PDE4B: variants seen among roughly 807,000 people sequenced by gnomAD.
PDE4B encodes 3',5'-cyclic-AMP phosphodiesterase 4B.
Under a neutral mutation model 82.2 loss-of-function variants are expected in PDE4B, and 20 were observed. The observed-to-expected ratio is 0.24, with a 90% CI of 0.17 to 0.35. PDE4B has a LOEUF of 0.35. Among genes scored for constraint, PDE4B ranks in the 10% least tolerant of loss-of-function variants. The pLI is 1.00. For synonymous variants in PDE4B, 320 were observed against 318.9 expected (o/e 1.00, Z -0.04); for missense variants, 655 against 907.2 (o/e 0.72, Z 3.57).
chr1:66,369,093 A>G, intron 16 of PDE4B, 124 bp downstream of exon 16: 3 of 680,608 alleles, frequency 4.4e-6, no homozygotes, highest in Non-Finnish European at 4.6e-6. Context: ...ACAACTACGC[A>G]TTTTGTTCCA....
intron 3 of PDE4B, among the ~76,000 whole-genome samples, chr1:66,219,669 A>G (rs1316692176): frequency 2.0e-5 from 3 of 152,210 alleles, no homozygotes; most frequent in African/African-American, 7.2e-5. Flanking sequence ...CACCTGGCCA[A>G]CACAGAGTTC....
intron 8 of PDE4B, among the ~76,000 whole-genome samples, chr1:66,347,823 A>T (rs1661517769): frequency 6.6e-6 from 1 of 152,226 alleles, no homozygotes; most frequent in Non-Finnish European, 1.5e-5. Context: ...AAAAAATATT[A>T]GAAACTTCAA....
chr1:66,254,847 A>G (rs1258649488), intron 4 of PDE4B, among the ~76,000 whole-genome samples: 2 of 152,090 alleles, frequency 1.3e-5, no homozygotes, highest in African/African-American at 4.8e-5. Context: ...ATTGGTTCTC[A>G]TCAGAATGGG....
intron 7 of PDE4B, among the ~76,000 whole-genome samples, chr1:66,287,974 T>TA (rs146052848): frequency 0.035 from 5,354 of 151,884 alleles, 256 homozygotes; most frequent in East Asian, 0.25. Context: ...ACCCTGTCTC[T>TA]AAAAAAACAA....
intron 3 of PDE4B, among the ~76,000 whole-genome samples, chr1:66,186,866 C>A (rs894254054): frequency 8.5e-5 from 13 of 152,158 alleles, no homozygotes; most frequent in Non-Finnish European, 1.9e-4. Context: ...GCTTCCAACA[C>A]TATGTTGAAT....
At chr1:66,251,557 T>C (rs944752802) in intron 4 of PDE4B, among the ~76,000 whole-genome samples, 8 of 152,188 alleles carry the variant, frequency 5.3e-5, no homozygotes, top group Non-Finnish European at 1.2e-4. Context: ...ACGGAAACAT[T>C]AGAAGTCAAT....
In PDE4B at chr1:65,983,568, C is replaced by T. The variant is rs576614454; in HGVS notation, c.281+64733C>T. 1.3e-3 allele frequency among the ~76,000 whole-genome samples: 203 copies of T among 152,090 alleles called. 1 individual carries two copies. The highest frequency in any genetic ancestry group is 6.0e-4 in the African/African-American group (25 of 41,412). ...ACATGACTGGTATCTTTATTAAAAA[C>T]GGTAATTGCAACATTGAGACAGCAT... On this transcript the variant is annotated intron_variant, in intron 3 of 16. Coordinates refer to ENST00000341517, the MANE Select transcript of PDE4B (RefSeq NM_002600.4).
At chr1:66,262,654 C>A (rs921194186) in intron 6 of PDE4B, among the ~76,000 whole-genome samples, 22 of 152,320 alleles carry the variant, frequency 1.4e-4, no homozygotes, top group African/African-American at 5.3e-4. Flanking sequence ...CATTCTCATG[C>A]CCTACAAGCA....
intron 3 of PDE4B, among the ~76,000 whole-genome samples, chr1:65,971,716 A>T (rs1456434354): frequency 6.6e-6 from 1 of 152,186 alleles, no homozygotes; most frequent in African/African-American, 2.4e-5. Flanking sequence ...GGATGGTGTT[A>T]TCAGCAGTAT....
chr1:66,105,006 T>C (rs1645314740), intron 3 of PDE4B, among the ~76,000 whole-genome samples: 1 of 152,084 alleles, frequency 6.6e-6, no homozygotes, highest in South Asian at 2.1e-4. Flanking sequence ...AGACATGAAG[T>C]CCTTGCCCAT....
chr1:66,176,209 G>T (rs1646928850), intron 3 of PDE4B, among the ~76,000 whole-genome samples: 3 of 152,182 alleles, frequency 2.0e-5, no homozygotes. Flanking sequence ...GAAGACAGAT[G>T]GGAAAATTCC....
At chr1:66,246,240 G>A (rs1048381073) in intron 3 of PDE4B, among the ~76,000 whole-genome samples, 2 of 152,190 alleles carry the variant, frequency 1.3e-5, no homozygotes, top group African/African-American at 4.8e-5. Context: ...ACTTCACAGG[G>A]TTGTTAGGAG....
At chr1:66,186,671 G>T (rs1277691588) in intron 3 of PDE4B, among the ~76,000 whole-genome samples, 1 of 152,090 alleles carries the variant, frequency 6.6e-6, no homozygotes, top group Non-Finnish European at 1.5e-5. Context: ...TGTGATTTTT[G>T]CTCATCGATT....
intron 3 of PDE4B, among the ~76,000 whole-genome samples, chr1:65,947,284 A>G (rs1431606189): frequency 1.3e-5 from 2 of 152,040 alleles, no homozygotes; most frequent in Non-Finnish European, 2.9e-5. Context: ...GAAAAAGAAA[A>G]CATTTGCCAG....
chr1:66,128,440 G>A (rs1417997699), intron 3 of PDE4B, among the ~76,000 whole-genome samples: 15 of 152,204 alleles, frequency 9.9e-5, no homozygotes. Context: ...TGGGGAGAAT[G>A]TGATTTTCCT....
chr1:65,833,373 T>G (rs1342298354), intron 1 of PDE4B, among the ~76,000 whole-genome samples: 2 of 152,234 alleles, frequency 1.3e-5, no homozygotes, highest in African/African-American at 4.8e-5. Context: ...CTTTAAGGCG[T>G]CTGAGGTCCT....
chr1:66,192,533 C>A (rs555206340), intron 3 of PDE4B, among the ~76,000 whole-genome samples: 1 of 152,040 alleles, frequency 6.6e-6, no homozygotes, highest in African/African-American at 2.4e-5. Flanking sequence ...CATGAAACCC[C>A]GGAAGATCAT....
At chr1:66,309,462 C>T (rs1291535384) in intron 7 of PDE4B, among the ~76,000 whole-genome samples, 1 of 152,244 alleles carries the variant, frequency 6.6e-6, no homozygotes, top group Non-Finnish European at 1.5e-5. Context: ...TAAGACAGTA[C>T]TTTCCAAATT....
At chr1:66,336,452 A>G (rs1032877068) in intron 8 of PDE4B, among the ~76,000 whole-genome samples, 3 of 152,198 alleles carry the variant, frequency 2.0e-5, no homozygotes, top group South Asian at 2.1e-4. Flanking sequence ...TTTTCAAAAG[A>G]TGAACATACT....
Sources: allele counts gnomAD v4.1 joint callset (sites outside exome capture counted in the v4.1 genomes callset), GRCh38; gene constraint gnomAD v4.1.1; transcripts MANE v1.5; gene names NCBI Gene and HGNC (gene_info 2026-07-23, HGNC 2026-07-21).